UNC5D: variants seen among roughly 807,000 people sequenced by gnomAD.
The protein encoded by UNC5D is netrin receptor UNC5D.
Under a neutral mutation model 105.4 loss-of-function variants are expected in UNC5D, and 39 were observed. That is an observed-to-expected ratio of 0.37 (90% CI 0.29 to 0.48). The LOEUF is 0.48. Ranked by LOEUF, UNC5D falls within the 20% of genes least tolerant of loss-of-function variation. The pLI is 0.98. For missense variants in UNC5D, 991 were observed against 1,202.4 expected (o/e 0.82, Z 2.60); for synonymous variants, 452 against 450.4 (o/e 1.00, Z -0.04).
chr8:35,715,123 C>T (rs1306645790), intron 8 of UNC5D, among the ~76,000 whole-genome samples: 3 of 152,076 alleles, frequency 2.0e-5, no homozygotes, highest in Non-Finnish European at 4.4e-5. Context: ...TGCACTCTAC[C>T]CTGGGCAACA....
chr8:35,375,343 G>A (rs190208062), intron 1 of UNC5D, among the ~76,000 whole-genome samples: 4 of 152,244 alleles, frequency 2.6e-5, no homozygotes, highest in Non-Finnish European at 4.4e-5. Flanking sequence ...TGTTCCACAC[G>A]TTGATCTTTG....
intron 3 of UNC5D, among the ~76,000 whole-genome samples, chr8:35,589,391 CTGTGGAGCTCTCATCT>C (rs1231181600): frequency 6.7e-6 from 1 of 149,272 alleles, no homozygotes; most frequent in Admixed American, 6.7e-5. Flanking sequence ...ATCCATTTTT[CTGTGGAGCTCTCATCT>C]TTTTTTTTTT....
rs1002996064 is a variant in UNC5D at position 35,555,897 on chromosome 8, A to G, written c.322+6387A>G. ...ACAGCACACACACACACACACACAC[A>G]CACACACACACACACACACACACAC... On this transcript the variant is annotated intron_variant, in intron 2 of 16. Transcript: ENST00000404895. 3.3e-3 allele frequency among the ~76,000 whole-genome samples: 498 copies of G among 149,600 alleles called. 4 individuals carry two copies. The highest frequency in any genetic ancestry group is 0.012 in the African/African-American group (465 of 40,390).
intron 13 of UNC5D, among the ~76,000 whole-genome samples, chr8:35,752,594 A>T (rs980681451): frequency 5.9e-5 from 9 of 152,146 alleles, no homozygotes; most frequent in Non-Finnish European, 1.0e-4. Flanking sequence ...CTTCAGTGTA[A>T]GTAGTTAAAC....
rs527537042 is a variant in UNC5D, at chr8:35,240,117, G to A, written c.103+4230G>A. Among the ~76,000 whole-genome samples, 4 of 151,992 alleles carry A rather than the reference G, an allele frequency of 2.6e-5. No individual in the cohort carries two copies. The East Asian group carries it at 7.8e-4, about 30-fold the overall frequency. ...CACCCGGCTCAGTAATTTTTTGTGT[G>A]TGTTTGTTTGTTTGTAGAGATTAGC... On this transcript the variant is annotated intron_variant, in intron 1 of 16. Coordinates refer to ENST00000404895, the MANE Select transcript of UNC5D (RefSeq NM_080872.4).
chr8:35,241,172 A>G (rs1297629543), intron 1 of UNC5D, among the ~76,000 whole-genome samples: 1 of 152,206 alleles, frequency 6.6e-6, no homozygotes, highest in African/African-American at 2.4e-5. Flanking sequence ...GGCTAGATTC[A>G]TTTATAGAAA....
Position 35,560,533 on chromosome 8 carries a change from A to C in UNC5D, c.323-7565A>C, listed in dbSNP as rs143866656. Among the ~76,000 whole-genome samples the C allele has an allele frequency of 1.1e-4, 17 of 152,344 alleles. No homozygotes were observed. In the East Asian group the frequency reaches 2.7e-3, roughly 24 times the overall value. On this transcript the variant is annotated intron_variant, in intron 2 of 16. Coordinates refer to ENST00000404895, the MANE Select transcript of UNC5D (RefSeq NM_080872.4). ...ATATCATTTGATCAGTGAGGATTTG[A>C]GAAAGAATGTATTTAAAAAATTGTT... is the stretch of plus-strand genomic sequence containing the variant.
chr8:35,516,517 G>A (rs1485057053), intron 1 of UNC5D, among the ~76,000 whole-genome samples: 1 of 152,086 alleles, frequency 6.6e-6, no homozygotes, highest in Non-Finnish European at 1.5e-5. Context: ...TGTGTTGATC[G>A]TAATCTTTCC....
At chr8:35,469,140 T>C (rs1051681213) in intron 1 of UNC5D, among the ~76,000 whole-genome samples, 22 of 152,228 alleles carry the variant, frequency 1.4e-4, no homozygotes, top group Non-Finnish European at 1.5e-4. Flanking sequence ...GCAAGTTTTA[T>C]GAACGGCATT....
chr8:35,725,032 G>C (rs1828785388), intron 9 of UNC5D, among the ~76,000 whole-genome samples: 1 of 152,114 alleles, frequency 6.6e-6, no homozygotes, highest in Non-Finnish European at 1.5e-5. Flanking sequence ...TGGATTCTTA[G>C]AGCATCACAA....
At chr8:35,575,418 A>G (rs1818023553) in intron 3 of UNC5D, among the ~76,000 whole-genome samples, 1 of 152,172 alleles carries the variant, frequency 6.6e-6, no homozygotes, top group Admixed American at 6.5e-5. Context: ...TTCATAGCTT[A>G]CATTGACAGA....
At chr8:35,608,784 A>T (rs1820483332) in intron 4 of UNC5D, among the ~76,000 whole-genome samples, 1 of 138,660 alleles carries the variant, frequency 7.2e-6, no homozygotes. Flanking sequence ...CTGGTATTTC[A>T]TTGTGTATGT....
At chr8:35,709,662 C>T (rs551165873) in intron 8 of UNC5D, among the ~76,000 whole-genome samples, 1 of 152,124 alleles carries the variant, frequency 6.6e-6, no homozygotes, top group African/African-American at 2.4e-5. Flanking sequence ...TGCACTCCAG[C>T]CTGGGCAACA....
At chr8:35,515,946 G>T (rs1171527958) in intron 1 of UNC5D, among the ~76,000 whole-genome samples, 1 of 152,004 alleles carries the variant, frequency 6.6e-6, no homozygotes, top group South Asian at 2.1e-4. Context: ...ATGACACCCT[G>T]ACTTAGTTTT....
At chr8:35,415,892 G>GT (rs1282229412) in intron 1 of UNC5D, among the ~76,000 whole-genome samples, 2 of 152,264 alleles carry the variant, frequency 1.3e-5, no homozygotes, top group African/African-American at 4.8e-5. Flanking sequence ...AACTGAGCTT[G>GT]TATCTGAAAG....
In UNC5D at chr8:35,565,086, C is replaced by T. The variant is rs935447479; in HGVS notation, c.323-3012C>T. On this transcript the variant is annotated intron_variant, in intron 2 of 16. Transcript: ENST00000404895. ...AGGTATCTTCTTGATATAATGACTT[C>T]GTTTTCTTTGGGTAGATACCCAGTA... 3.3e-5 allele frequency among the ~76,000 whole-genome samples: 5 copies of T among 152,040 alleles called. No individual in the cohort carries two copies. The South Asian group carries it at 6.2e-4, about 19-fold the overall frequency.
At chr8:35,551,724 A>G (rs1252592020) in intron 2 of UNC5D, among the ~76,000 whole-genome samples, 1 of 152,044 alleles carries the variant, frequency 6.6e-6, no homozygotes, top group East Asian at 1.9e-4. Context: ...AGGCTGAGGC[A>G]GGAGAATTGC....
At chr8:35,245,601 T>C (rs779955437) in intron 1 of UNC5D, among the ~76,000 whole-genome samples, 8 of 152,194 alleles carry the variant, frequency 5.3e-5, no homozygotes, top group African/African-American at 1.9e-4. Context: ...TTATTAATTT[T>C]ATTTTTCAAC....
At chr8:35,662,408 A>T (rs1377662178) in intron 4 of UNC5D, among the ~76,000 whole-genome samples, 3 of 152,174 alleles carry the variant, frequency 2.0e-5, no homozygotes, top group African/African-American at 7.2e-5. Context: ...AGAGATTGCA[A>T]ATGTGTGAAT....
Sources: allele counts gnomAD v4.1 joint callset (sites outside exome capture counted in the v4.1 genomes callset), GRCh38; gene constraint gnomAD v4.1.1; transcripts MANE v1.5; gene names NCBI Gene and HGNC (gene_info 2026-07-23, HGNC 2026-07-21).